The following THEMIS variants were observed in gnomAD, a reference collection of about 807,000 sequenced individuals.
THEMIS encodes the protein thymocyte selection associated.
Under a neutral mutation model 52.6 loss-of-function variants are expected in THEMIS, and 37 were observed. The ratio of observed to expected loss-of-function variants is 0.70; its 90% CI spans 0.54 to 0.93. THEMIS has a LOEUF of 0.93. THEMIS is among the 40% of genes least tolerant of loss of function. THEMIS has a pLI of 0.00. For synonymous variants in THEMIS, 292 were observed against 272.7 expected (o/e 1.07, Z -0.70); for missense variants, 808 against 763.1 (o/e 1.06, Z -0.69).
intron 2 of THEMIS, among the ~76,000 whole-genome samples, chr6:127,838,799 A>C (rs980783979): frequency 1.3e-5 from 2 of 152,108 alleles, no homozygotes; most frequent in African/African-American, 4.8e-5. Flanking sequence ...CAAACAGCAA[A>C]TAATACTCTG....
At chr6:127,837,497 C>T (rs1562290689) in intron 2 of THEMIS, among the ~76,000 whole-genome samples, 3 of 151,974 alleles carry the variant, frequency 2.0e-5, no homozygotes, top group Non-Finnish European at 2.9e-5. Context: ...AATGTTTTCT[C>T]TACTTTATAT....
intron 4 of THEMIS, among the ~76,000 whole-genome samples, chr6:127,777,916 T>C (rs951231842): frequency 6.6e-6 from 1 of 152,090 alleles, no homozygotes; most frequent in Non-Finnish European, 1.5e-5. Context: ...TTCCCCAATA[T>C]ATGAATCACA....
upstream of THEMIS, among the ~76,000 whole-genome samples, chr6:127,905,756 T>C (rs903700600): frequency 6.6e-6 from 1 of 151,908 alleles, no homozygotes; most frequent in Non-Finnish European, 1.5e-5. Context: ...GTTGCAAAAG[T>C]GATGTTTAAT....
At chr6:127,734,467 T>C (rs2114536403) in intron 4 of THEMIS, among the ~76,000 whole-genome samples, 1 of 152,286 alleles carries the variant, frequency 6.6e-6, no homozygotes, top group East Asian at 1.9e-4. Context: ...TGGAGGTTCA[T>C]TATGCTATTC....
intron 4 of THEMIS, among the ~76,000 whole-genome samples, chr6:127,778,145 AT>A (rs1295500768): frequency 6.6e-6 from 1 of 152,148 alleles, no homozygotes; most frequent in Non-Finnish European, 1.5e-5. Flanking sequence ...TGCTGGTGGA[AT>A]TATATGTGTG....
chr6:127,701,960 A>T, the THEMIS span, among the ~76,000 whole-genome samples: 2 of 151,984 alleles, frequency 1.3e-5, no homozygotes, highest in Admixed American at 1.3e-4. Flanking sequence ...GGACTTATAT[A>T]TTGTAAATAT....
At chr6:127,756,036 C>CACAAAAA (rs983413638) in intron 4 of THEMIS, among the ~76,000 whole-genome samples, 3 of 150,160 alleles carry the variant, frequency 2.0e-5, no homozygotes, top group Non-Finnish European at 4.5e-5. Context: ...CAAAAAAAAA[C>CACAAAAA]ACAAAAAACA....
At chr6:127,726,682 A>C (rs918129928) in intron 4 of THEMIS, among the ~76,000 whole-genome samples, 58 of 152,216 alleles carry the variant, frequency 3.8e-4, no homozygotes, top group African/African-American at 1.2e-3. Flanking sequence ...ATTTAATCAC[A>C]CTCTTGGAAA....
chr6:127,759,817 T>C (rs1775954979), intron 4 of THEMIS, among the ~76,000 whole-genome samples: 1 of 131,234 alleles, frequency 7.6e-6, no homozygotes, highest in African/African-American at 3.0e-5. Context: ...CTTTCCTCAT[T>C]CCTTCCCTCC....
At chr6:127,742,727 T>C (rs1056337528) in intron 4 of THEMIS, among the ~76,000 whole-genome samples, 4 of 151,510 alleles carry the variant, frequency 2.6e-5, no homozygotes, top group South Asian at 2.1e-4. Context: ...GTCAAATTCA[T>C]AGAGATGGAA....
At chr6:127,731,547 G>A (rs141605277) in intron 4 of THEMIS, among the ~76,000 whole-genome samples, 1 of 148,448 alleles carries the variant, frequency 6.7e-6, no homozygotes, top group African/African-American at 2.5e-5. Flanking sequence ...GAAATCTTCG[G>A]CATTTTTTTT....
At chr6:127,873,458 G>A (rs769991991) in intron 1 of THEMIS, among the ~76,000 whole-genome samples, 11 of 152,126 alleles carry the variant, frequency 7.2e-5, no homozygotes, top group Non-Finnish European at 1.0e-4. Flanking sequence ...CGTATTAAAG[G>A]AAGAAAATGT....
chr6:127,833,322 C>A (rs1037108913), intron 2 of THEMIS, among the ~76,000 whole-genome samples: 11 of 152,298 alleles, frequency 7.2e-5, no homozygotes, highest in Admixed American at 6.5e-4. Context: ...GTAATTGCAA[C>A]AACTGAAATT....
At chr6:127,776,910 T>C (rs781245209) in intron 4 of THEMIS, among the ~76,000 whole-genome samples, 11 of 152,210 alleles carry the variant, frequency 7.2e-5, no homozygotes, top group Non-Finnish European at 1.3e-4. Context: ...ATTATTGTTA[T>C]AAAATTTCCG....
At chr6:127,794,262 C>T (rs1381570489) in intron 4 of THEMIS, among the ~76,000 whole-genome samples, 1 of 152,190 alleles carries the variant, frequency 6.6e-6, no homozygotes, top group Admixed American at 6.5e-5. Context: ...TCCATTCTTG[C>T]TCCACTAGTG....
At chr6:127,787,638 T>A (rs1000967500) in intron 4 of THEMIS, among the ~76,000 whole-genome samples, 1 of 152,200 alleles carries the variant, frequency 6.6e-6, no homozygotes, top group East Asian at 1.9e-4. Flanking sequence ...GAACACATGA[T>A]ATATACAATA....
intron 4 of THEMIS, among the ~76,000 whole-genome samples, chr6:127,762,306 T>G (rs1562241363): frequency 1.3e-5 from 2 of 152,166 alleles, no homozygotes; most frequent in South Asian, 2.1e-4. Flanking sequence ...ATGAATAAGC[T>G]CTAAAGATAT....
chr6:127,719,634 T>C (rs1043604178), intron 5 of THEMIS, 54 bp downstream of exon 5: 226 of 1,485,468 alleles, frequency 1.5e-4, no homozygotes, highest in Non-Finnish European at 1.8e-4. Context: ...TGCACCTTTG[T>C]CATGTGGACA....
chr6:127,735,561 C>T (rs1774976962), intron 4 of THEMIS, among the ~76,000 whole-genome samples: 1 of 152,084 alleles, frequency 6.6e-6, no homozygotes, highest in Non-Finnish European at 1.5e-5. Flanking sequence ...ATGGTGTTTT[C>T]AAAGTCAACA....
Sources: allele counts gnomAD v4.1 joint callset (sites outside exome capture counted in the v4.1 genomes callset), GRCh38; gene constraint gnomAD v4.1.1; transcripts MANE v1.5; gene names NCBI Gene and HGNC (gene_info 2026-07-23, HGNC 2026-07-21).